PLXNA1: variants seen among roughly 807,000 people sequenced by gnomAD.
PLXNA1 encodes the protein plexin-A1.
PLXNA1 carries 77 observed loss-of-function variants against 191.7 expected under a neutral mutation model. The observed-to-expected ratio is 0.40, with a 90% CI of 0.33 to 0.49. The LOEUF (loss-of-function observed/expected upper bound fraction) is 0.49. PLXNA1 is among the 20% of genes least tolerant of loss of function. PLXNA1 has a pLI of 0.63. For synonymous variants in PLXNA1, 1,137 were observed against 1,156.4 expected (o/e 0.98, Z 0.34); for missense variants, 2,110 against 2,660.2 (o/e 0.79, Z 4.55).
At chr3:127,003,608 G>T (rs1182796153) in intron 4 of PLXNA1, 138 bp downstream of exon 4, 1 of 1,038,448 alleles carries the variant, frequency 9.6e-7, no homozygotes, top group East Asian at 2.9e-5. Flanking sequence ...TTTCAAGCTG[G>T]TCTGTGCTCT....
At chr3:127,002,925 C>T (rs2079047620) in intron 3 of PLXNA1, among the ~76,000 whole-genome samples, 1 of 152,148 alleles carries the variant, frequency 6.6e-6, no homozygotes, top group African/African-American at 2.4e-5. Context: ...CTGCCCCCGA[C>T]AACCAACATC....
chr3:127,015,899 G>C (rs564766131), intron 15 of PLXNA1, among the ~76,000 whole-genome samples: 19 of 152,218 alleles, frequency 1.2e-4, no homozygotes, highest in Admixed American at 1.2e-3. Flanking sequence ...AGCTCATCTA[G>C]TCTCCTCACA....
At chr3:127,024,423 G>A (rs1223788870) in intron 23 of PLXNA1, among the ~76,000 whole-genome samples, 1 of 152,178 alleles carries the variant, frequency 6.6e-6, no homozygotes, top group Non-Finnish European at 1.5e-5. Context: ...TGGGACAGGC[G>A]CTGAGGGATG....
Position 127,022,072 on chromosome 3 carries a change from T to C in PLXNA1, c.4039-13T>C. 1.2e-6 allele frequency: 2 copies of C among 1,608,408 alleles called. No individual in the cohort carries two copies. Among genetic ancestry groups the C allele is most frequent in the South Asian group, 2.2e-5 (2 of 90,928 alleles). Reference sequence around the variant, plus strand: ...GTGCTTCTCTGTGGTCTGAGCTCTGTGTGCTCCCTCAGGTGCAGGCCAATG... The same window carrying C: ...GTGCTTCTCTGTGGTCTGAGCTCTGCGTGCTCCCTCAGGTGCAGGCCAATG... On this transcript the variant is annotated splice_polypyrimidine_tract_variant and intron_variant, in intron 21 of 31. Coordinates refer to ENST00000393409, the MANE Select transcript of PLXNA1 (RefSeq NM_032242.4).
At chr3:127,032,650 C>T in intron 30 of PLXNA1, 36 bp from the exon 31 acceptor site, 1 of 1,611,044 alleles carries the variant, frequency 6.2e-7, no homozygotes, top group Non-Finnish European at 8.5e-7. Context: ...GCAGCCTGGA[C>T]TCTGCTCATG....
intron 3 of PLXNA1, among the ~76,000 whole-genome samples, chr3:127,002,289 G>A (rs544011183): frequency 3.3e-5 from 5 of 152,360 alleles, no homozygotes; most frequent in Admixed American, 2.6e-4. Context: ...GCAGCTGAGC[G>A]GATGTGGGGG....
intron 20 of PLXNA1, 91 bp downstream of exon 20, chr3:127,018,619 C>T: frequency 1.0e-6 from 1 of 969,546 alleles, no homozygotes; most frequent in South Asian, 1.5e-5. Context: ...GCCGCCCCCA[C>T]CCTGCTTCAG....
At chr3:126,983,552 G>A (rs1306835703) in intron 1 of PLXNA1, among the ~76,000 whole-genome samples, 2 of 146,656 alleles carry the variant, frequency 1.4e-5, no homozygotes, top group East Asian at 2.0e-4. Context: ...GACGCGGAGA[G>A]ACCGCACCCC....
chr3:127,032,847 T>C lies in PLXNA1; in HGVS notation c.5595+11T>C, dbSNP rs754982201. On this transcript the variant is annotated intron_variant, in intron 31 of 31. Coordinates refer to ENST00000393409, the MANE Select transcript of PLXNA1 (RefSeq NM_032242.4). ...AAGTACAAGGATGAGGTGAACACCG[T>C]GGGAGCCCACAGGCTGGGCTAGGAG... 1.5e-4 allele frequency: 238 copies of C among 1,611,250 alleles called. No homozygotes were observed. Among genetic ancestry groups the C allele is most frequent in the Admixed American group, 2.0e-4 (12 of 59,880 alleles).
intron 3 of PLXNA1, among the ~76,000 whole-genome samples, chr3:126,994,637 C>G (rs780883432): frequency 9.9e-5 from 15 of 152,178 alleles, no homozygotes; most frequent in Non-Finnish European, 1.2e-4. Context: ...GCTTGCTCCC[C>G]GCTGGCCACA....
chr3:126,998,409 C>T lies in PLXNA1; in HGVS notation c.1378-4921C>T, dbSNP rs78945312. 1.0e-2 allele frequency among the ~76,000 whole-genome samples: 1,520 copies of T among 152,236 alleles called. 24 individuals carry two copies. Among genetic ancestry groups the T allele is most frequent in the African/African-American group, 0.034 (1,425 of 41,522 alleles). On this transcript the variant is annotated intron_variant, in intron 3 of 31. Coordinates refer to ENST00000393409, the MANE Select transcript of PLXNA1 (RefSeq NM_032242.4). ...GAGGGAAGACACTGGGGCAGATGGT[C>T]CCTGCTGCCTGTGTCCCCACAGGAC...
Position 127,027,886 on chromosome 3 carries a change from GT to G in PLXNA1, c.4363-52del, listed in dbSNP as rs750689610. ...TGGCACTCGACGGGTGGAGGGGCAG[GT>G]TGGGGGTAGGCCCGGGGGTCCTGGC... On this transcript the variant is annotated intron_variant, in intron 23 of 31. Coordinates refer to ENST00000393409, the MANE Select transcript of PLXNA1 (RefSeq NM_032242.4). 1.7e-4 allele frequency: 278 copies of G among 1,608,664 alleles called. 1 individual carries two copies. In the African/African-American group the frequency reaches 3.2e-3, roughly 19 times the overall value.
At chr3:127,018,127 C>A (rs529252108) in intron 19 of PLXNA1, among the ~76,000 whole-genome samples, 167 bp from the exon 20 acceptor site, 66 of 152,250 alleles carry the variant, frequency 4.3e-4, no homozygotes, top group African/African-American at 1.6e-3. Flanking sequence ...GCTGGCCAGG[C>A]GCCTGCCCTG....
chr3:127,033,792 A>G lies in PLXNA1; in HGVS notation c.5596-130A>G, dbSNP rs896119689. 1.8e-5 allele frequency: 13 copies of G among 727,904 alleles called. No homozygotes were observed. The African/African-American group carries it at 2.3e-4, about 13-fold the overall frequency. The allele number at this position is 727,904 out of a possible 1,614,324, so 45.1% of individuals were successfully genotyped here. A position where few individuals can be genotyped will look rare whatever the true frequency, so the allele number is the denominator to read the frequency against. ...GGGTCCTGGAGGGTCCAGGCTCACA[A>G]CCAAGGTCCTTTGGCCAGGGGTAGA... On this transcript the variant is annotated intron_variant, in intron 31 of 31. Transcript: ENST00000393409.
chr3:126,991,282 C>T, intron 2 of PLXNA1, 102 bp from the exon 3 acceptor site: 2 of 1,337,336 alleles, frequency 1.5e-6, no homozygotes, highest in South Asian at 2.7e-5. Flanking sequence ...CTACCCCCAA[C>T]CTCTCTAGAA....
chr3:127,004,445 G>A (rs1369174256), intron 4 of PLXNA1, among the ~76,000 whole-genome samples, 166 bp from the exon 5 acceptor site: 4 of 152,176 alleles, frequency 2.6e-5, no homozygotes, highest in South Asian at 4.1e-4. Context: ...TGACCTGTGC[G>A]ACCTGGCTTG....
intron 3 of PLXNA1, among the ~76,000 whole-genome samples, chr3:126,997,137 T>C (rs2079018465): frequency 6.6e-6 from 1 of 152,212 alleles, no homozygotes; most frequent in South Asian, 2.1e-4. Flanking sequence ...CATGTCCTCA[T>C]GTTGCGTGTT....
In PLXNA1 at chr3:126,989,013, C is replaced by A. The variant is rs777769843; in HGVS notation, c.420C>A (p.Phe140Leu). Residue 140 changes from phenylalanine to leucine, a missense_variant, in exon 2 of 32, where the codon TTC becomes TTA. Phe to Leu is a conservative substitution (Grantham distance 22). Coordinates refer to ENST00000393409, the MANE Select transcript of PLXNA1 (RefSeq NM_032242.4). The stretch of plus-strand genomic sequence containing the variant: ...GCGCCTCCCAGGGCATCTGCCAGTT[C>A]CTGCGTCTGGACGATCTCTTCAAAC... ...CGSASQGICQFLRLDDLFKLG... is the reference protein window; with the variant it reads ...CGSASQGICQLLRLDDLFKLG... 5 of 1,613,178 alleles carry A rather than the reference C, an allele frequency of 3.1e-6. No individual in the cohort carries two copies. The highest frequency in any genetic ancestry group is 1.6e-4 in the Middle Eastern group (1 of 6,084).
chr3:127,003,354 G>A lies in PLXNA1; in HGVS notation c.1402G>A (p.Gly468Ser), dbSNP rs753503450. 1.0e-5 allele frequency: 16 copies of A among 1,606,996 alleles called. No homozygotes were observed. The highest frequency in any genetic ancestry group is 9.4e-5 in the African/African-American group (7 of 74,778). Reference sequence around the variant, plus strand: ...GATCCTGGTGGACCTCTCAAACCCCGGTGGCCGGCCTGCCCTGGCCTACGA... The same window carrying A: ...GATCCTGGTGGACCTCTCAAACCCCAGTGGCCGGCCTGCCCTGGCCTACGA... Reference protein sequence around the residue: ...RKILVDLSNPGGRPALAYESV... With the variant: ...RKILVDLSNPSGRPALAYESV... The change falls in exon 4 of 32, where the codon GGT becomes AGT. Residue 468 changes from glycine to serine, a missense_variant. Physicochemically the swap from Gly to Ser is moderately conservative, Grantham distance 56. Coordinates refer to ENST00000393409, the MANE Select transcript of PLXNA1 (RefSeq NM_032242.4).
Sources: gnomAD v4.1 joint callset for allele counts (sites outside exome capture counted in the v4.1 genomes callset) on GRCh38, gnomAD v4.1.1 for gene constraint, MANE v1.5 for transcripts, NCBI Gene and HGNC (gene_info 2026-07-23, HGNC 2026-07-21) for gene names.